Variants in TASP1 observed in about 807,000 individuals in gnomAD.
TASP1 encodes taspase 1.
TASP1 carries 16 observed loss-of-function variants against 56.6 expected under a neutral mutation model. The ratio of observed to expected loss-of-function variants is 0.28; its 90% CI spans 0.19 to 0.43. The LOEUF (loss-of-function observed/expected upper bound fraction) is 0.43, where lower values mean the gene tolerates loss of function less well. Ranked by LOEUF, TASP1 falls within the 20% of genes least tolerant of loss-of-function variation. The probability of loss-of-function intolerance (pLI) is 1.00; values close to 1 mark genes in which losing one functional copy is unlikely to be tolerated. For synonymous variants in TASP1, 179 were observed against 184.2 expected (o/e 0.97, Z 0.23); for missense variants, 393 against 511.6 (o/e 0.77, Z 2.24).
chr20:13,452,752 A>G (rs1179545926), intron 11 of TASP1, among the ~76,000 whole-genome samples: 2 of 152,090 alleles, frequency 1.3e-5, no homozygotes, highest in Non-Finnish European at 2.9e-5. Context: ...TGGAGAAAAG[A>G]AGGAAAATCC....
chr20:13,153,535 C>G, the TASP1 span, among the ~76,000 whole-genome samples: 4 of 151,914 alleles, frequency 2.6e-5, no homozygotes, highest in Admixed American at 6.6e-5. Flanking sequence ...GATGAAGGAT[C>G]CTTTGATTAG....
rs1431113655 is a variant in TASP1, at chr20:13,572,930, A to G, written c.489-3344T>C. Among the ~76,000 whole-genome samples the G allele has an allele frequency of 3.3e-5, 5 of 152,212 alleles. No individual in the cohort carries two copies. The East Asian group carries it at 9.6e-4, about 29-fold the overall frequency. On this transcript the variant is annotated intron_variant, in intron 6 of 13. Transcript: ENST00000337743. ...AGAAAGCGCTCAAGGATCTTCAGGA[A>G]CCCCCGTAATCAAAATACATTGTTT...
In TASP1 at chr20:13,627,568, T is replaced by C. The variant is rs577390844; in HGVS notation, c.146-2316A>G. Among the ~76,000 whole-genome samples the C allele has an allele frequency of 3.9e-4, 60 of 152,104 alleles. No homozygotes were observed. In the South Asian group the frequency reaches 5.0e-3, roughly 13 times the overall value. On this transcript the variant is annotated intron_variant, in intron 2 of 13. Transcript: ENST00000337743. ...GAGTTTGAGAGCAGCCTGGCCAACA[T>C]GGTGAAACCCCATTTCTACTAAACA...
chr20:13,348,866 C>G, the TASP1 span, among the ~76,000 whole-genome samples: 1 of 152,092 alleles, frequency 6.6e-6, no homozygotes, highest in Non-Finnish European at 1.5e-5. Flanking sequence ...TAGTACAGTT[C>G]TGGATCCACA....
chr20:13,554,246 T>C (rs112714916), intron 8 of TASP1, among the ~76,000 whole-genome samples: 12 of 152,246 alleles, frequency 7.9e-5, no homozygotes, highest in African/African-American at 2.9e-4. Flanking sequence ...CCAAACTTAT[T>C]ACTATGTGGC....
chr20:13,130,888 C>T, the TASP1 span, among the ~76,000 whole-genome samples: 2 of 152,186 alleles, frequency 1.3e-5, no homozygotes, highest in Non-Finnish European at 2.9e-5. Flanking sequence ...GACTCAACTT[C>T]CCTCTTGCCA....
chr20:13,209,208 C>G, the TASP1 span, among the ~76,000 whole-genome samples: 1 of 152,122 alleles, frequency 6.6e-6, no homozygotes, highest in African/African-American at 2.4e-5. Context: ...CACCCAAGAT[C>G]GATCAAACCA....
chr20:13,563,782 G>A (rs1192332340), intron 7 of TASP1, among the ~76,000 whole-genome samples: 1 of 151,296 alleles, frequency 6.6e-6, no homozygotes, highest in Non-Finnish European at 1.5e-5. Context: ...TGGGATTATA[G>A]GCAAGAGCCA....
chr20:13,248,165 T>C, the TASP1 span, among the ~76,000 whole-genome samples: 1 of 152,232 alleles, frequency 6.6e-6, no homozygotes, highest in Non-Finnish European at 1.5e-5. Context: ...GTAGTACATT[T>C]CTTTGTGTGC....
chr20:13,145,759 C>T, the TASP1 span, among the ~76,000 whole-genome samples: 1 of 152,136 alleles, frequency 6.6e-6, no homozygotes, highest in South Asian at 2.1e-4. Flanking sequence ...GCTACAGCAA[C>T]CAAAACAGCA....
chr20:13,234,397 G>A, the TASP1 span, among the ~76,000 whole-genome samples: 2 of 152,176 alleles, frequency 1.3e-5, no homozygotes, highest in East Asian at 1.9e-4. Flanking sequence ...GTTGTGAATA[G>A]TGCTGTGATA....
intron 2 of TASP1, among the ~76,000 whole-genome samples, chr20:13,628,604 G>T (rs1212443141): frequency 6.6e-6 from 1 of 152,122 alleles, no homozygotes; most frequent in African/African-American, 2.4e-5. Context: ...ATGGCCAAAC[G>T]TTAATGGCCA....
chr20:13,197,282 C>A, the TASP1 span, among the ~76,000 whole-genome samples: 1 of 152,152 alleles, frequency 6.6e-6, no homozygotes, highest in African/African-American at 2.4e-5. Flanking sequence ...ACCTAGCTCA[C>A]GAGAGGATTT....
At chr20:13,364,606 T>G in the TASP1 span, among the ~76,000 whole-genome samples, 1 of 152,128 alleles carries the variant, frequency 6.6e-6, no homozygotes, top group South Asian at 2.1e-4. Context: ...AGGCCTAAGA[T>G]AGCTGGACTG....
At chr20:13,230,900 T>C in the TASP1 span, among the ~76,000 whole-genome samples, 1 of 152,180 alleles carries the variant, frequency 6.6e-6, no homozygotes, top group Admixed American at 6.5e-5. Flanking sequence ...AGAGGTTAGA[T>C]CAAGTCCAGT....
At chr20:13,114,719 ACTTT>A in the TASP1 span, among the ~76,000 whole-genome samples, 1 of 152,182 alleles carries the variant, frequency 6.6e-6, no homozygotes, top group African/African-American at 2.4e-5. Flanking sequence ...ATTGACCTTA[ACTTT>A]CTTTTTCTCT....
chr20:13,434,943 C>T (rs1228554620), intron 12 of TASP1, 101 bp downstream of exon 12: 1 of 732,826 alleles, frequency 1.4e-6, no homozygotes, highest in East Asian at 2.8e-5. Flanking sequence ...GCATGCTGAC[C>T]CTCCCGCAGT....
intron 11 of TASP1, among the ~76,000 whole-genome samples, chr20:13,452,870 T>A (rs1040277127): frequency 1.3e-5 from 2 of 151,926 alleles, no homozygotes; most frequent in African/African-American, 4.8e-5. Context: ...TTGATAAAGG[T>A]CACAAAGAAG....
At position 13,560,443 on chromosome 20, in the gene TASP1, G is replaced by C. The variant is rs556537130; in HGVS notation, c.569-1329C>G. Reference sequence around the variant, plus strand: ...ATACGTCAAGCCCAAAGCCCATTAAGAGTACAGAGTTTTATAGGAGACATT... The same window carrying C: ...ATACGTCAAGCCCAAAGCCCATTAACAGTACAGAGTTTTATAGGAGACATT... On this transcript the variant is annotated intron_variant, in intron 7 of 13. Transcript: ENST00000337743. 5.3e-5 allele frequency among the ~76,000 whole-genome samples: 8 copies of C among 152,244 alleles called. No individual in the cohort carries two copies. The South Asian group carries it at 1.2e-3, about 24-fold the overall frequency.
Sources: allele counts gnomAD v4.1 joint callset (sites outside exome capture counted in the v4.1 genomes callset), GRCh38; gene constraint gnomAD v4.1.1; transcripts MANE v1.5; gene names NCBI Gene and HGNC (gene_info 2026-07-23, HGNC 2026-07-21).